Variants in KDM6B observed in about 807,000 individuals in gnomAD.
KDM6B encodes the protein lysine-specific demethylase 6B.
A neutral mutation model predicts 150.4 loss-of-function variants in KDM6B; 22 were observed. That is an observed-to-expected ratio of 0.15 (90% CI 0.10 to 0.21). The LOEUF is 0.21. Among genes scored for constraint, KDM6B ranks in the 10% least tolerant of loss-of-function variants. KDM6B has a pLI of 1.00. For synonymous variants in KDM6B, 1,148 were observed against 921.1 expected (o/e 1.25, Z -4.46); for missense variants, 1,984 against 2,234.3 (o/e 0.89, Z 2.26).
chr17:7,853,658 CT>C lies in KDM6B; in HGVS notation c.*138del. The C allele has an allele frequency of 2.0e-6, 1 of 500,848 alleles. No homozygotes were observed. The highest frequency in any genetic ancestry group is 3.1e-6 in the Non-Finnish European group (1 of 327,712). The allele number at this position is 500,848 out of a possible 1,614,324, so 31.0% of individuals were successfully genotyped here. On this transcript the variant is annotated 3_prime_UTR_variant, in exon 24 of 24. Transcript: ENST00000448097. The stretch of plus-strand genomic sequence containing the variant: ...CCCTTCCACCCCATTGGCAGCTCCC[CT>C]CACTTAATTTATTAAGAAAAACTTT...
rs868219516 is a variant in KDM6B at position 7,849,140 on chromosome 17, G to A, written c.2852G>A (p.Arg951Gln). The change falls in exon 12 of 24, where the codon CGA becomes CAA. Residue 951 changes from arginine to glutamine, a missense_variant. Transcript: ENST00000448097. ...GAGCCAGCGGACAGTGGGACTGAGC[G>A]ACTGCTGCCCCCCGCACAGGCCAAG... ...TAEPADSGTE[R>Q]LLPPAQAKEE... is the part of the protein sequence containing the mutation. 6.2e-6 allele frequency: 10 copies of A among 1,612,012 alleles called. No individual in the cohort carries two copies. The African/African-American group carries it at 8.0e-5, about 13-fold the overall frequency.
In KDM6B at chr17:7,849,318, C is replaced by T. The variant is rs1156386402; in HGVS notation, c.3030C>T (p.Pro1010=). The T allele has an allele frequency of 2.6e-6, 4 of 1,565,654 alleles. No homozygotes were observed. In the South Asian group the frequency reaches 4.7e-5, roughly 18 times the overall value. ...GGGCAAAGGCCAAGGCCAAGGTCCC[C>T]AAAGAAAAGAGCCGCCGGGTGCTGG... ...EGRAKAKAKV[P]KEKSRRVLGN... The change falls in exon 12 of 24, where the codon CCC becomes CCT. Residue 1010 remains proline, a synonymous_variant. Transcript: ENST00000448097.
Position 7,852,338 on chromosome 17 carries a change from TGA to T in KDM6B, c.4468+6_4468+7del. On this transcript the variant is annotated splice_donor_region_variant and intron_variant, in intron 20 of 23. Coordinates refer to ENST00000448097, the MANE Select transcript of KDM6B (RefSeq NM_001348716.2). ...CCTGGAACGTGGGGCCCCTCACCGG[TGA>T]GAGGGTGGGGCAGGTGTTGGCGTGG... is the stretch of plus-strand genomic sequence containing the variant. 1.2e-6 allele frequency: 2 copies of T among 1,610,796 alleles called. No individual in the cohort carries two copies. Among genetic ancestry groups the T allele is most frequent in the Non-Finnish European group, 1.7e-6 (2 of 1,179,086 alleles).
rs758501597 is a variant in KDM6B, at chr17:7,847,540, T to C, written c.1258-6T>C. ...ATGCTCCTACCACCTGCTTCTACAC[T>C]TGCAGCCCGGCGCTGACCATTACCA... On this transcript the variant is annotated splice_polypyrimidine_tract_variant and splice_region_variant and intron_variant, in intron 11 of 23. Coordinates refer to ENST00000448097, the MANE Select transcript of KDM6B (RefSeq NM_001348716.2). 3 of 1,613,242 alleles carry C rather than the reference T, an allele frequency of 1.9e-6. No individual in the cohort carries two copies. Among genetic ancestry groups the C allele is most frequent in the Non-Finnish European group, 2.5e-6 (3 of 1,179,946 alleles).
Position 7,853,757 on chromosome 17 carries a change from C to T in KDM6B, c.*236C>T, listed in dbSNP as rs931964059. ...ACGGGGGAGGGGGCTGGCAGCCCCT[C>T]GCCCACCAGCGCCTCCCCTCACCGA... On this transcript the variant is annotated 3_prime_UTR_variant, in exon 24 of 24. Transcript: ENST00000448097. 4 of 309,622 alleles carry T rather than the reference C, an allele frequency of 1.3e-5. No homozygotes were observed. The highest frequency in any genetic ancestry group is 2.3e-5 in the Non-Finnish European group (4 of 170,262). 19.2% of individuals were successfully genotyped at this position (309,622 alleles called of 1,614,324 possible).
rs1381652488 is a variant in KDM6B at position 7,844,056 on chromosome 17, G to GCCC, written c.-268-845_-268-844insCCC. On this transcript the variant is annotated intron_variant, in intron 2 of 23. Transcript: ENST00000448097. This position sits in a 1 kb window ranked among gnomAD's most constrained non-coding sequence, Gnocchi z 5.9. ...GGCCCCGCCCTCCTCCCTCCCTCAG[G>GCCC]ACCCCCCCCCCCGCAGTACATTTAC... Among the ~76,000 whole-genome samples, 1 of 108,572 alleles carries GCCC rather than the reference G, an allele frequency of 9.2e-6. No homozygotes were observed. The highest frequency in any genetic ancestry group is 3.6e-5 in the African/African-American group (1 of 28,036). 71.2% of individuals were successfully genotyped at this position (108,572 alleles called of 152,430 possible). A position where few individuals can be genotyped will look rare whatever the true frequency, so the allele number is the denominator to read the frequency against.
Position 7,846,617 on chromosome 17 carries a change from G to T in KDM6B, c.588G>T (p.Pro196=), listed in dbSNP as rs143632454. ...RNYGAKRGGP[P]VKRAAEPPVV... is the part of the protein sequence containing the mutation. ...ATGGAGCCAAGCGGGGAGGTCCCCC[G>T]GTGAAGCGAGCTGCTGAACCCCCAG... Residue 196 remains proline, a synonymous_variant, in exon 9 of 24, where the codon CCG becomes CCT. Transcript: ENST00000448097. 9 of 1,614,054 alleles carry T rather than the reference G, an allele frequency of 5.6e-6. No individual in the cohort carries two copies. Among genetic ancestry groups the T allele is most frequent in the Non-Finnish European group, 7.6e-6 (9 of 1,179,982 alleles).
chr17:7,844,706 C>T lies in KDM6B; in HGVS notation c.-268-195C>T, dbSNP rs996906152. ...GCCGGAGCATGCGACTAACCGGCCT[C>T]ATCCGCATGCGTCTTGTCCTGGCTG... On this transcript the variant is annotated intron_variant, in intron 2 of 23. Coordinates refer to ENST00000448097, the MANE Select transcript of KDM6B (RefSeq NM_001348716.2). This position sits in a 1 kb window ranked among gnomAD's most constrained non-coding sequence, Gnocchi z 5.9. Among the ~76,000 whole-genome samples, 9 of 152,214 alleles carry T rather than the reference C, an allele frequency of 5.9e-5. No individual in the cohort carries two copies. The highest frequency in any genetic ancestry group is 1.3e-4 in the Admixed American group (2 of 15,288).
chr17:7,853,058 G>A lies in KDM6B; in HGVS notation c.4669G>A (p.Ala1557Thr), dbSNP rs1257156719. 2 of 1,614,104 alleles carry A rather than the reference G, an allele frequency of 1.2e-6. No individual in the cohort carries two copies. Among genetic ancestry groups the A allele is most frequent in the South Asian group, 1.1e-5 (1 of 91,076 alleles). Residue 1557 changes from alanine (A) to threonine (T), a missense_variant, in exon 22 of 24, where the codon GCA becomes ACA. By Grantham distance (58) the Ala-to-Thr change is moderately conservative (BLOSUM62 0). Coordinates refer to ENST00000448097, the MANE Select transcript of KDM6B (RefSeq NM_001348716.2). ...CQVQRESLVR[A>T]GKKIAYQGRV... ...GGTGCAACGCGAGAGCCTGGTGCGGGCAGGGAAGAAAATCGCTTACCAGGG... is the reference window on the plus strand; with the variant it reads ...GGTGCAACGCGAGAGCCTGGTGCGGACAGGGAAGAAAATCGCTTACCAGGG...
intron 14 of KDM6B, among the ~76,000 whole-genome samples, chr17:7,850,520 C>G (rs1567800794): frequency 6.6e-6 from 1 of 152,188 alleles, no homozygotes; most frequent in Admixed American, 6.5e-5. Flanking sequence ...TTAGAGAAAG[C>G]TGTATAGAAA....
rs899409790 is a variant in KDM6B at position 7,843,755 on chromosome 17, C to T, written c.-268-1146C>T. Among the ~76,000 whole-genome samples, 2 of 152,172 alleles carry T rather than the reference C, an allele frequency of 1.3e-5. No homozygotes were observed. Among genetic ancestry groups the T allele is most frequent in the Non-Finnish European group, 1.5e-5 (1 of 67,988 alleles). ...TTTGTACTCTAGACTCTCAATGGACCGATCCCGGGAGCCGAGTCGGCTCCC... is the reference window on the plus strand; with the variant it reads ...TTTGTACTCTAGACTCTCAATGGACTGATCCCGGGAGCCGAGTCGGCTCCC... On this transcript the variant is annotated intron_variant, in intron 2 of 23. Coordinates refer to ENST00000448097, the MANE Select transcript of KDM6B (RefSeq NM_001348716.2). The surrounding 1 kb of genome is among the most constrained non-coding windows in gnomAD (Gnocchi z 4.5).
rs375045712 is a variant in KDM6B, at chr17:7,850,213, A to C, written c.3673+36A>C. The C allele has an allele frequency of 7.1e-6, 11 of 1,559,576 alleles. No homozygotes were observed. In the African/African-American group the frequency reaches 1.5e-4, roughly 21 times the overall value. On this transcript the variant is annotated intron_variant, in intron 14 of 23. Coordinates refer to ENST00000448097, the MANE Select transcript of KDM6B (RefSeq NM_001348716.2). Reference sequence around the variant, plus strand: ...GGGGCAGAAAGTGTTAGGGAGGGCTACAAGGGTCTGGGGCATGTAGGACCC... The same window carrying C: ...GGGGCAGAAAGTGTTAGGGAGGGCTCCAAGGGTCTGGGGCATGTAGGACCC...
chr17:7,839,492 T>A (rs548716610), intron 1 of KDM6B, among the ~76,000 whole-genome samples: 10 of 152,100 alleles, frequency 6.6e-5, no homozygotes, highest in African/African-American at 2.4e-4. Flanking sequence ...GGGTTGACTG[T>A]CTGGTGTCTT....
intron 18 of KDM6B, 57 bp from the exon 19 acceptor site, chr17:7,851,894 A>T: frequency 6.2e-7 from 1 of 1,601,472 alleles, no homozygotes; most frequent in Non-Finnish European, 8.5e-7. Flanking sequence ...GGGCGGGGCT[A>T]TCGGGGATCG....
Position 7,848,833 on chromosome 17 carries a change from C to T in KDM6B, c.2545C>T (p.Pro849Ser). The stretch of plus-strand genomic sequence containing the variant: ...CCCCCCATCAGGTGCTACCGCCCTG[C>T]CGCCCACCTCAGCGGCCCCTAGCGC... ...PGPPSGATAL[P>S]PTSAAPSAQG... The change falls in exon 12 of 24, where the codon CCG becomes TCG. Residue 849 changes from proline (P) to serine (S), a missense_variant. Physicochemically the swap from Pro to Ser is moderately conservative, Grantham distance 74. Coordinates refer to ENST00000448097, the MANE Select transcript of KDM6B (RefSeq NM_001348716.2). 1 of 1,612,484 alleles carries T rather than the reference C, an allele frequency of 6.2e-7. No individual in the cohort carries two copies. Among genetic ancestry groups the T allele is most frequent in the Non-Finnish European group, 8.5e-7 (1 of 1,179,828 alleles).
rs908317912 is a variant in KDM6B at position 7,844,100 on chromosome 17, G to C, written c.-268-801G>C. ...CATTTACACACACCGCTTCCGCTGCGCAAGTAGCCACGTCACGGGCAACCC... is the reference window on the plus strand; with the variant it reads ...CATTTACACACACCGCTTCCGCTGCCCAAGTAGCCACGTCACGGGCAACCC... On this transcript the variant is annotated intron_variant, in intron 2 of 23. Transcript: ENST00000448097. The surrounding 1 kb of genome is among the most constrained non-coding windows in gnomAD (Gnocchi z 5.9). 1 of 138,252 alleles carries C rather than the reference G, an allele frequency of 7.2e-6. No individual in the cohort carries two copies. The highest frequency in any genetic ancestry group is 2.7e-5 in the African/African-American group (1 of 36,424). The allele number at this position is 138,252 out of a possible 1,614,324, so 8.6% of individuals were successfully genotyped here.
intron 1 of KDM6B, among the ~76,000 whole-genome samples, chr17:7,835,510 C>T (rs1321512473): frequency 2.0e-5 from 3 of 151,938 alleles, no homozygotes; most frequent in Non-Finnish European, 2.9e-5. Flanking sequence ...CCCTTCCCTC[C>T]CCTGGGTTGC....
At chr17:7,853,454 C>A in intron 23 of KDM6B, 44 bp from the exon 24 acceptor site, 1 of 1,512,840 alleles carries the variant, frequency 6.6e-7, no homozygotes, top group South Asian at 1.2e-5. Context: ...TTCGGGAGCC[C>A]GGCCGCGCCT....
rs747515833 is a variant in KDM6B, at chr17:7,852,479, C to G, written c.4469-16C>G. The G allele has an allele frequency of 2.5e-6, 4 of 1,605,792 alleles. No individual in the cohort carries two copies. In the South Asian group the frequency reaches 4.4e-5, roughly 18 times the overall value. On this transcript the variant is annotated splice_polypyrimidine_tract_variant and intron_variant, in intron 20 of 23. Coordinates refer to ENST00000448097, the MANE Select transcript of KDM6B (RefSeq NM_001348716.2). ...GGCTGTTTGAGAGTCCTGTTGTGAT[C>G]GCCTTTGGCCCGCAGCCTATCAGTA...
Sources: gnomAD v4.1 joint callset for allele counts (sites outside exome capture counted in the v4.1 genomes callset) on GRCh38, gnomAD v4.1.1 for gene constraint, Gnocchi (gnomAD v3.1) non-coding constraint, MANE v1.5 for transcripts, NCBI Gene and HGNC (gene_info 2026-07-23, HGNC 2026-07-21) for gene names.